Variants in STRA6 observed in about 807,000 individuals in gnomAD.
STRA6 encodes the protein signaling receptor and transporter of retinol STRA6.
Under a neutral mutation model 83.6 loss-of-function variants are expected in STRA6, and 48 were observed. That is an observed-to-expected ratio of 0.57 (90% CI 0.46 to 0.73). STRA6 has a LOEUF of 0.73. Among genes scored for constraint, STRA6 ranks in the 30% least tolerant of loss-of-function variants. STRA6 has a pLI of 0.00. For missense variants in STRA6, 760 were observed against 838.8 expected (o/e 0.91, Z 1.16); for synonymous variants, 353 against 362.3 (o/e 0.97, Z 0.29).
At chr15:74,192,029 T>C (rs1037512084) in intron 8 of STRA6, 8 of 171,100 alleles carry the variant, frequency 4.7e-5, no homozygotes, top group Admixed American at 3.8e-4. Flanking sequence ...CATGGGAAGA[T>C]GGGGTGAGCC....
At chr15:74,185,337 G>A (rs2073190890) in intron 12 of STRA6, among the ~76,000 whole-genome samples, 1 of 152,216 alleles carries the variant, frequency 6.6e-6, no homozygotes, top group Non-Finnish European at 1.5e-5. Context: ...CTATTGCTGT[G>A]GGACCTCCAT....
intron 14 of STRA6, 142 bp from the exon 15 acceptor site, chr15:74,182,602 C>T: frequency 1.5e-6 from 1 of 671,210 alleles, no homozygotes; most frequent in South Asian, 1.8e-5. Context: ...GCTATGCTGC[C>T]TTGAACAAAT....
intron 12 of STRA6, 108 bp downstream of exon 12, chr15:74,189,007 A>C: frequency 7.5e-7 from 1 of 1,335,544 alleles, no homozygotes; most frequent in Non-Finnish European, 1.0e-6. Flanking sequence ...AGAGGAAGGA[A>C]TGTGTCCAAG....
upstream of STRA6, among the ~76,000 whole-genome samples, chr15:74,204,603 G>T (rs2074215935): frequency 1.3e-5 from 2 of 152,208 alleles, no homozygotes; most frequent in Non-Finnish European, 2.9e-5. Flanking sequence ...CTACAAGGCA[G>T]CAGTGTCAGG....
chr15:74,189,524 T>C (rs1011822995), intron 11 of STRA6, among the ~76,000 whole-genome samples: 6 of 152,202 alleles, frequency 3.9e-5, no homozygotes, highest in Non-Finnish European at 8.8e-5. Context: ...TAGTCAGCCC[T>C]GCGTATCTGT....
intron 14 of STRA6, 24 bp from the exon 15 acceptor site, chr15:74,182,484 G>C (rs2073045747): frequency 6.3e-7 from 1 of 1,582,264 alleles, no homozygotes; most frequent in Admixed American, 1.8e-5. Flanking sequence ...GAGTGGCAGG[G>C]GGACAGAAAA....
upstream of STRA6, among the ~76,000 whole-genome samples, chr15:74,203,819 G>A (rs1270613196): frequency 1.3e-5 from 2 of 152,122 alleles, no homozygotes; most frequent in Admixed American, 1.3e-4. Flanking sequence ...TGGGGATGGG[G>A]GGAGATTCCT....
chr15:74,202,196 G>A lies in STRA6; in HGVS notation c.72C>T (p.Tyr24=). 2.6e-6 allele frequency: 4 copies of A among 1,519,108 alleles called. No individual in the cohort carries two copies. The highest frequency in any genetic ancestry group is 1.4e-5 in the South Asian group (1 of 73,144). 94.1% of individuals were successfully genotyped at this position (1,519,108 alleles called of 1,614,324 possible). A position where few individuals can be genotyped will look rare whatever the true frequency, so the allele number is the denominator to read the frequency against. Residue 24 remains tyrosine (Y), a synonymous_variant, in exon 2 of 19, where the codon TAC becomes TAT. Coordinates refer to ENST00000395105, the MANE Select transcript of STRA6 (RefSeq NM_022369.4). ...CCTCGCCCCCCTGGGGCTCATCGAT[G>A]TACCAGCTGCCATAGGAGTAGTCCT... ...ATEDYSYGSW[Y]IDEPQGGEEL...
upstream of STRA6, chr15:74,209,556 A>C (rs2074337402): frequency 1.1e-6 from 1 of 941,236 alleles, no homozygotes; most frequent in Admixed American, 2.7e-5. Flanking sequence ...TCCCAGGGGA[A>C]GTGAAAAAGG....
rs565497999 is a variant in STRA6 at position 74,193,875 on chromosome 15, G to T, written c.645C>A (p.Gly215=). ...GGTACCAAAGGCTCAGGAATCCGAG[G>T]CCCAGCAGGAGAGGCAGGGAGGCCA... ...SLLASLPLLL[G]LGFLSLWYPV... Residue 215 remains glycine, a synonymous_variant, in exon 8 of 19, where the codon GGC becomes GGA. Transcript: ENST00000395105. The T allele has an allele frequency of 2.7e-5, 43 of 1,613,956 alleles. 1 individual carries two copies. The Admixed American group carries it at 5.2e-4, about 19-fold the overall frequency.
At chr15:74,186,153 C>A (rs2073236580) in intron 12 of STRA6, among the ~76,000 whole-genome samples, 3 of 152,352 alleles carry the variant, frequency 2.0e-5, no homozygotes, top group Admixed American at 2.0e-4. Flanking sequence ...TGGGACCCAG[C>A]CTTAGCCTGT....
At chr15:74,197,449 T>C in intron 3 of STRA6, 26 bp from the exon 4 acceptor site, 1 of 1,541,778 alleles carries the variant, frequency 6.5e-7, no homozygotes, top group Non-Finnish European at 8.8e-7. Flanking sequence ...AGAGGAGGGC[T>C]TGGGGTGCCC....
At chr15:74,181,198 T>C in intron 17 of STRA6, 97 bp downstream of exon 17, 1 of 1,546,654 alleles carries the variant, frequency 6.5e-7, no homozygotes, top group Non-Finnish European at 8.8e-7. Context: ...GGCATCGGTG[T>C]GAACTGATCA....
At chr15:74,191,005 G>A (rs2073503476) in intron 10 of STRA6, 104 bp from the exon 11 acceptor site, 2 of 1,582,826 alleles carry the variant, frequency 1.3e-6, no homozygotes, top group African/African-American at 2.7e-5. Context: ...GACCCTAAAT[G>A]ACCAAGGCCA....
intron 14 of STRA6, chr15:74,182,717 C>T (rs1041564201): frequency 1.0e-5 from 5 of 501,798 alleles, no homozygotes; most frequent in Non-Finnish European, 1.4e-5. Flanking sequence ...TCTGTGGAAA[C>T]TCTTAAAATC....
At chr15:74,184,140 C>A in intron 13 of STRA6, 151 bp from the exon 14 acceptor site, 1 of 1,107,940 alleles carries the variant, frequency 9.0e-7, no homozygotes, top group Non-Finnish European at 1.3e-6. Flanking sequence ...CAGGAGGAGG[C>A]CACTAACCCA....
chr15:74,197,343 C>T lies in STRA6; in HGVS notation c.261G>A (p.Leu87=). ...WPDCVRGRPG[L]PSPVDFLAGD... ...GCCCAGGCCATGGTACAAACCTGGG[C>T]AGGCCGGGCCTGCCACGCACACAGT... is the stretch of plus-strand genomic sequence containing the variant. Residue 87 remains leucine (L), a synonymous_variant, in exon 4 of 19, where the codon CTG becomes CTA. Transcript: ENST00000395105. 1.3e-6 allele frequency: 2 copies of T among 1,550,032 alleles called. No individual in the cohort carries two copies. Among genetic ancestry groups the T allele is most frequent in the Non-Finnish European group, 1.7e-6 (2 of 1,146,692 alleles).
In STRA6 at chr15:74,180,702, G is replaced by A. The variant is rs1595819782; in HGVS notation, c.1840+80C>T. The A allele has an allele frequency of 2.0e-6, 3 of 1,521,694 alleles. No homozygotes were observed. In the East Asian group the frequency reaches 6.8e-5, roughly 35 times the overall value. 94.3% of individuals were successfully genotyped at this position (1,521,694 alleles called of 1,614,324 possible). On this transcript the variant is annotated intron_variant, in intron 18 of 18. Transcript: ENST00000395105. ...TGAGAATTTTCCTGGCGCTCACTCT[G>A]TGTGCTGGGGAGGGGCACACATCCT...
intron 2 of STRA6, 120 bp from the exon 3 acceptor site, chr15:74,197,938 AT>A: frequency 9.4e-7 from 1 of 1,062,844 alleles, no homozygotes. Flanking sequence ...CAACCCTCTG[AT>A]CCCTCCTACA....
Sources: allele counts gnomAD v4.1 joint callset (sites outside exome capture counted in the v4.1 genomes callset), GRCh38; gene constraint gnomAD v4.1.1; transcripts MANE v1.5; gene names NCBI Gene and HGNC (gene_info 2026-07-23, HGNC 2026-07-21).